Variants in MCF2L observed in about 807,000 individuals in gnomAD.
MCF2L encodes MCF.2 cell line derived transforming sequence like.
In MCF2L, 97 loss-of-function variants were observed where a neutral mutation model predicts 153.4. The observed-to-expected ratio is 0.63, with a 90% CI of 0.54 to 0.75. MCF2L has a LOEUF of 0.75. MCF2L is among the 30% of genes least tolerant of loss of function. MCF2L has a pLI of 0.00. For synonymous variants in MCF2L, 659 were observed against 632.2 expected, an observed-to-expected ratio of 1.04 and a Z score of -0.64; for missense variants, 1,347 against 1,495.2, an observed-to-expected ratio of 0.90 and a Z score of 1.64.
chr13:113,021,643 G>A (rs1385746172), intron 2 of MCF2L, among the ~76,000 whole-genome samples: 1 of 152,210 alleles, frequency 6.6e-6, no homozygotes, highest in Non-Finnish European at 1.5e-5. Flanking sequence ...TGTTCTTGGT[G>A]CCATTGGCCC....
intron 27 of MCF2L, chr13:113,095,344 G>A (rs1034298027): frequency 2.7e-5 from 31 of 1,160,898 alleles, no homozygotes; most frequent in African/African-American, 3.3e-5. Context: ...GAGAGCCCTC[G>A]GGGCCTCTGG....
chr13:113,082,772 G>A (rs949195054), intron 17 of MCF2L, among the ~76,000 whole-genome samples: 4 of 152,182 alleles, frequency 2.6e-5, no homozygotes, highest in African/African-American at 9.7e-5. Flanking sequence ...CAAGTTGTAA[G>A]TGAGCCGCCA....
rs764660917 is a variant in MCF2L at position 113,077,162 on chromosome 13, G to T, written c.1611G>T (p.Pro537=). The change falls in exon 13 of 30, where the codon CCG becomes CCT. Residue 537 remains proline (P), a synonymous_variant. Coordinates refer to ENST00000535094, the MANE Select transcript of MCF2L (RefSeq NM_001112732.3). The part of the protein sequence containing the change: ...LAARQTRPVQ[P]VAPRPEALAK... ...CCAGGCAGACGCGGCCCGTGCAGCCGGTGGCCCCCAGACCCGAGGCACTGG... is the reference window on the plus strand; with the variant it reads ...CCAGGCAGACGCGGCCCGTGCAGCCTGTGGCCCCCAGACCCGAGGCACTGG... The T allele has an allele frequency of 1.1e-5, 18 of 1,610,172 alleles. No homozygotes were observed. The East Asian group carries it at 4.0e-4, about 36-fold the overall frequency.
intron 1 of MCF2L, among the ~76,000 whole-genome samples, chr13:112,895,084 T>C (rs1486407681): frequency 5.9e-5 from 9 of 152,172 alleles, no homozygotes; most frequent in Non-Finnish European, 8.8e-5. Context: ...CTGGGCGGAC[T>C]CCTCCTGGGA....
At chr13:113,012,312 T>C in intron 1 of MCF2L, among the ~76,000 whole-genome samples, 1 of 109,746 alleles carries the variant, frequency 9.1e-6, no homozygotes, top group African/African-American at 3.2e-5. Context: ...GTGTGGATGG[T>C]GGACAGGTGG....
chr13:112,965,759 G>C (rs570772139), upstream of MCF2L: 4 of 152,218 alleles, frequency 2.6e-5, no homozygotes, highest in East Asian at 7.7e-4. Context: ...CAGAAAGGTC[G>C]CCATGAGGAT....
chr13:112,990,837 G>A (rs1339073188), intron 1 of MCF2L, among the ~76,000 whole-genome samples: 3 of 152,032 alleles, frequency 2.0e-5, no homozygotes, highest in Non-Finnish European at 1.5e-5. Flanking sequence ...CCTAAACAAC[G>A]GGCAGGGATG....
intron 1 of MCF2L, among the ~76,000 whole-genome samples, chr13:112,900,599 G>A (rs1429344577): frequency 6.6e-6 from 1 of 152,168 alleles, no homozygotes; most frequent in African/African-American, 2.4e-5. Flanking sequence ...TGTTTGTGGG[G>A]TGGGAGTCAA....
chr13:112,909,248 AGCAGAGGTCTCG>A (rs1403784879), intron 2 of MCF2L: 1 of 779,580 alleles, frequency 1.3e-6, no homozygotes, highest in Non-Finnish European at 2.4e-6. Flanking sequence ...TTGTGATTCC[AGCAGAGGTCTCG>A]GCATCTCGTC....
At chr13:112,978,233 C>T (rs2082280051) in intron 1 of MCF2L, among the ~76,000 whole-genome samples, 1 of 152,244 alleles carries the variant, frequency 6.6e-6, no homozygotes. Context: ...GTCTCTGCTC[C>T]TGGGTGGCTG....
At chr13:112,896,024 A>G (rs1481397083) in intron 1 of MCF2L, among the ~76,000 whole-genome samples, 1 of 152,206 alleles carries the variant, frequency 6.6e-6, no homozygotes, top group Non-Finnish European at 1.5e-5. Context: ...GATTGTGGGA[A>G]ACTGCTGGAA....
At position 113,074,603 on chromosome 13, in the gene MCF2L, G is replaced by C. The variant is rs754548952; in HGVS notation, c.1116+40G>C. 3 of 1,607,076 alleles carry C rather than the reference G, an allele frequency of 1.9e-6. No homozygotes were observed. ...CGGCGGGGGCGGCGGGAGAGTGTGG[G>C]CAGCATCATCAAGTGCTGCTCAGGA... On this transcript the variant is annotated intron_variant, in intron 10 of 29. Coordinates refer to ENST00000535094, the MANE Select transcript of MCF2L (RefSeq NM_001112732.3). This position sits in a 1 kb window ranked among gnomAD's most constrained non-coding sequence, Gnocchi z 4.2.
intron 12 of MCF2L, 107 bp downstream of exon 12, chr13:113,076,264 T>C (rs2033465424): frequency 5.9e-6 from 5 of 845,506 alleles, no homozygotes; most frequent in Non-Finnish European, 6.7e-6. Context: ...TGTATTTATT[T>C]ATTATTATTT....
intron 2 of MCF2L, among the ~76,000 whole-genome samples, chr13:112,906,356 T>A (rs2081172780): frequency 6.6e-6 from 1 of 152,252 alleles, no homozygotes; most frequent in Non-Finnish European, 1.5e-5. Context: ...ACAGCTGTGC[T>A]GCAGGATTTG....
At position 112,941,482 on chromosome 13, in the gene MCF2L, C is replaced by T. The variant is rs1356804355; in HGVS notation, c.169+39111C>T. ...AATGTAAATCTATTAGTATTGAGCA[C>T]ACTGTGTGTGGAGCATCCTGAGTCA... On this transcript the variant is annotated intron_variant, in intron 2 of 29. Transcript: ENST00000375608. This position sits in a 1 kb window ranked among gnomAD's most constrained non-coding sequence, Gnocchi z 4.9. 6.6e-6 allele frequency among the ~76,000 whole-genome samples: 1 copy of T among 151,782 alleles called. No individual in the cohort carries two copies. The highest frequency in any genetic ancestry group is 1.5e-5 in the Non-Finnish European group (1 of 67,976).
At chr13:113,076,953 C>CG (rs2033553908) in intron 12 of MCF2L, 99 bp from the exon 13 acceptor site, 1 of 1,294,596 alleles carries the variant, frequency 7.7e-7, no homozygotes, top group Non-Finnish European at 1.1e-6. Context: ...ACATTTAAAG[C>CG]GGGGGTTGGG....
At chr13:112,968,428 G>C (rs367928976), upstream of MCF2L, 184 of 1,579,192 alleles carry the variant, frequency 1.2e-4, no homozygotes, top group African/African-American at 2.1e-3. Flanking sequence ...CCAGGACGCT[G>C]CGTGTGTCGA....
Position 113,046,965 on chromosome 13 carries a change from G to A in MCF2L, c.369+1604G>A. On this transcript the variant is annotated intron_variant, in intron 4 of 29. Coordinates refer to ENST00000535094, the MANE Select transcript of MCF2L (RefSeq NM_001112732.3). This position sits in a 1 kb window ranked among gnomAD's most constrained non-coding sequence, Gnocchi z 4.4. ...AGAGGCGTAATTGGCTCACAGTTCT[G>A]CAGGCTGCACAGGCTTAGCACCTGC... 1 of 209,102 alleles carries A rather than the reference G, an allele frequency of 4.8e-6. No homozygotes were observed. Among genetic ancestry groups the A allele is most frequent in the South Asian group, 6.6e-5 (1 of 15,244 alleles). 13.0% of individuals were successfully genotyped at this position (209,102 alleles called of 1,614,324 possible). A position where few individuals can be genotyped will look rare whatever the true frequency, so the allele number is the denominator to read the frequency against.
intron 13 of MCF2L, among the ~76,000 whole-genome samples, chr13:113,077,885 G>T (rs60299054): frequency 0.064 from 9,798 of 152,244 alleles, 450 homozygotes; most frequent in East Asian, 0.23. Flanking sequence ...CAGGGGCCCC[G>T]GGGGCCAGGC....
Sources: allele counts gnomAD v4.1 joint callset (sites outside exome capture counted in the v4.1 genomes callset), GRCh38; gene constraint gnomAD v4.1.1; non-coding constraint Gnocchi (gnomAD v3.1); transcripts MANE v1.5; gene names NCBI Gene and HGNC (gene_info 2026-07-23, HGNC 2026-07-21).